The following MBNL1 variants were observed in gnomAD, a reference collection of about 807,000 sequenced individuals.
The protein encoded by MBNL1 is muscleblind like splicing regulator 1, also known as muscleblind-like protein 1.
In MBNL1, 8 loss-of-function variants were observed where a neutral mutation model predicts 42.2. The observed-to-expected ratio is 0.19, with a 90% CI of 0.11 to 0.34. The LOEUF (loss-of-function observed/expected upper bound fraction) is 0.34. Ranked by LOEUF, MBNL1 falls within the 10% of genes least tolerant of loss-of-function variation. The probability of loss-of-function intolerance (pLI) is 1.00; values close to 1 mark genes in which losing one functional copy is unlikely to be tolerated. For synonymous variants in MBNL1, 169 were observed against 173.9 expected, an observed-to-expected ratio of 0.97 and a Z score of 0.22; for missense variants, 309 against 495.3, an observed-to-expected ratio of 0.62 and a Z score of 3.57.
At chr3:152,279,047 T>C (rs998819851) in intron 1 of MBNL1, among the ~76,000 whole-genome samples, 3 of 152,110 alleles carry the variant, frequency 2.0e-5, no homozygotes, top group Admixed American at 6.6e-5. Context: ...GCATCTGTCA[T>C]AGGCCCAAAG....
chr3:152,447,815 C>T (rs201777465), intron 6 of MBNL1, 42 bp downstream of exon 6: 27 of 1,588,306 alleles, frequency 1.7e-5, no homozygotes, highest in Non-Finnish European at 2.1e-5. Context: ...TGATGATCTA[C>T]AGAGAGTCCT....
chr3:152,320,820 C>A (rs1424648523), intron 2 of MBNL1, among the ~76,000 whole-genome samples: 1 of 151,184 alleles, frequency 6.6e-6, no homozygotes, highest in East Asian at 1.9e-4. Flanking sequence ...TATTATCAAA[C>A]TAATAGCACT....
At chr3:152,264,272 T>C (rs1475177125), upstream of MBNL1, 1 of 152,186 alleles carries the variant, frequency 6.6e-6, no homozygotes, top group Non-Finnish European at 1.5e-5. Context: ...CCATGGCTGA[T>C]GCTCAATAAA....
At chr3:152,260,387 A>G (rs2036056143) in intron 2 of MBNL1, among the ~76,000 whole-genome samples, 1 of 152,158 alleles carries the variant, frequency 6.6e-6, no homozygotes, top group Non-Finnish European at 1.5e-5. Context: ...CCATAAACTA[A>G]GATGTCTAGC....
rs2038241497 is a variant in MBNL1 at position 152,269,000 on chromosome 3, T to C, written c.-882T>C. On this transcript the variant is annotated 5_prime_UTR_variant, in exon 1 of 10. Coordinates refer to ENST00000324210, the MANE Select transcript of MBNL1 (RefSeq NM_021038.5). The stretch of plus-strand genomic sequence containing the variant: ...CATGACAAGGAGCTGACAAGTTCCA[T>C]TTTCCGTCGCGGGCATCTTGGAATC... 4.4e-6 allele frequency: 2 copies of C among 456,120 alleles called. No homozygotes were observed. Among genetic ancestry groups the C allele is most frequent in the Non-Finnish European group, 8.8e-6 (2 of 226,960 alleles). The allele number at this position is 456,120 out of a possible 1,614,324, so 28.3% of individuals were successfully genotyped here.
At chr3:152,246,505 ATAT>A (rs1486135787) in intron 2 of MBNL1, among the ~76,000 whole-genome samples, 1 of 151,838 alleles carries the variant, frequency 6.6e-6, no homozygotes, top group African/African-American at 2.4e-5. Context: ...TTCCATGATA[ATAT>A]TAATGGTAAA....
intron 4 of MBNL1, among the ~76,000 whole-genome samples, chr3:152,443,022 A>G (rs2099163931): frequency 2.6e-5 from 4 of 152,210 alleles, no homozygotes; most frequent in Admixed American, 2.6e-4. Flanking sequence ...GCAGTTGACT[A>G]AGTTTTTTTT....
At chr3:152,329,352 A>G (rs1287985461) in intron 2 of MBNL1, among the ~76,000 whole-genome samples, 1 of 152,160 alleles carries the variant, frequency 6.6e-6, no homozygotes, top group African/African-American at 2.4e-5. Flanking sequence ...TCGGTCAGAC[A>G]GCAATGTCAA....
upstream of MBNL1, chr3:152,264,886 T>C (rs2036925364): frequency 6.6e-6 from 1 of 152,060 alleles, no homozygotes; most frequent in African/African-American, 2.4e-5. Context: ...AATATACGTG[T>C]TATACATACA....
chr3:152,308,938 T>C (rs1157608640), intron 2 of MBNL1, among the ~76,000 whole-genome samples: 2 of 152,106 alleles, frequency 1.3e-5, no homozygotes, highest in African/African-American at 2.4e-5. Context: ...TAATATAACT[T>C]ATGTACTTCC....
intron 4 of MBNL1, among the ~76,000 whole-genome samples, chr3:152,437,146 T>G (rs1490134059): frequency 6.6e-6 from 1 of 152,252 alleles, no homozygotes; most frequent in East Asian, 1.9e-4. Context: ...AAATGTATAC[T>G]CTACTTCTTC....
At chr3:152,250,704 CA>C (rs2034373819) in intron 2 of MBNL1, among the ~76,000 whole-genome samples, 1 of 150,386 alleles carries the variant, frequency 6.6e-6, no homozygotes, top group South Asian at 2.1e-4. Flanking sequence ...TGCCAGTTTT[CA>C]AAGGGAATGC....
intron 4 of MBNL1, among the ~76,000 whole-genome samples, chr3:152,442,421 T>C (rs182677827): frequency 4.6e-5 from 7 of 152,322 alleles, no homozygotes; most frequent in Non-Finnish European, 1.0e-4. Context: ...TAAAAATGTG[T>C]GCATACATAC....
chr3:152,342,610 C>T (rs1308384811), intron 2 of MBNL1, among the ~76,000 whole-genome samples: 1 of 148,876 alleles, frequency 6.7e-6, no homozygotes, highest in Non-Finnish European at 1.5e-5. Flanking sequence ...ACAGGACCTA[C>T]AAAGCAAAAC....
At chr3:152,458,053 T>C in intron 8 of MBNL1, 4 of 1,185,714 alleles carry the variant, frequency 3.4e-6, no homozygotes, top group Non-Finnish European at 5.0e-6. Flanking sequence ...AAATGCAGCC[T>C]GCATGCATGC....
intron 2 of MBNL1, among the ~76,000 whole-genome samples, chr3:152,402,548 T>C (rs926359886): frequency 3.9e-5 from 6 of 152,188 alleles, no homozygotes; most frequent in African/African-American, 1.4e-4. Flanking sequence ...CTAAGGCTTG[T>C]GTATATGAGA....
At chr3:152,391,010 T>C (rs1179128248) in intron 2 of MBNL1, among the ~76,000 whole-genome samples, 1 of 152,232 alleles carries the variant, frequency 6.6e-6, no homozygotes, top group East Asian at 1.9e-4. Flanking sequence ...GTTCTCTAGG[T>C]GCTAGGTATT....
chr3:152,452,260 G>T (rs993919491), intron 6 of MBNL1, among the ~76,000 whole-genome samples: 2 of 152,080 alleles, frequency 1.3e-5, no homozygotes, highest in East Asian at 3.9e-4. Context: ...ATGAAATTAC[G>T]GCGTGTAAGA....
chr3:152,245,052 A>G (rs534958869), intron 2 of MBNL1, among the ~76,000 whole-genome samples: 1 of 152,098 alleles, frequency 6.6e-6, no homozygotes, highest in Non-Finnish European at 1.5e-5. Context: ...TTTAAAATGT[A>G]TTGTTTTCTA....
Sources: gnomAD v4.1 joint callset for allele counts (sites outside exome capture counted in the v4.1 genomes callset) on GRCh38, gnomAD v4.1.1 for gene constraint, MANE v1.5 for transcripts, NCBI Gene and HGNC (gene_info 2026-07-23, HGNC 2026-07-21) for gene names.